GRM7: variants seen among roughly 807,000 people sequenced by gnomAD.
GRM7 encodes the protein metabotropic glutamate receptor 7.
GRM7 carries 35 observed loss-of-function variants against 84.5 expected under a neutral mutation model. The ratio of observed to expected loss-of-function variants is 0.41; its 90% CI spans 0.32 to 0.55. GRM7 has a LOEUF of 0.55. GRM7 is among the 20% of genes least tolerant of loss of function. GRM7 has a pLI of 0.19. For synonymous variants in GRM7, 487 were observed against 455.1 expected, an observed-to-expected ratio of 1.07 and a Z score of -0.89; for missense variants, 1,003 against 1,194.6, an observed-to-expected ratio of 0.84 and a Z score of 2.36.
intron 2 of GRM7, among the ~76,000 whole-genome samples, chr3:7,231,133 A>T (rs145720763): frequency 6.6e-6 from 1 of 152,286 alleles, no homozygotes; most frequent in East Asian, 1.9e-4. Flanking sequence ...GCAGAAAAAA[A>T]GTTTAGGTGT....
At chr3:7,172,584 A>G (rs1436780243) in intron 2 of GRM7, among the ~76,000 whole-genome samples, 1 of 131,776 alleles carries the variant, frequency 7.6e-6, no homozygotes, top group African/African-American at 2.9e-5. Context: ...TAAATATTAC[A>G]TATTTGTCCC....
intron 1 of GRM7, among the ~76,000 whole-genome samples, chr3:7,086,612 C>T (rs1042009674): frequency 1.2e-4 from 18 of 152,184 alleles, no homozygotes; most frequent in Non-Finnish European, 1.9e-4. Context: ...GCCTCTAGAG[C>T]TCCACATCAA....
intron 8 of GRM7, among the ~76,000 whole-genome samples, chr3:7,670,765 C>T (rs958282509): frequency 6.6e-6 from 1 of 152,126 alleles, no homozygotes; most frequent in Non-Finnish European, 1.5e-5. Flanking sequence ...CACAGAACTT[C>T]ATGGTGTATT....
intron 2 of GRM7, among the ~76,000 whole-genome samples, chr3:7,269,400 A>G (rs1698769339): frequency 6.6e-6 from 1 of 151,736 alleles, no homozygotes; most frequent in Non-Finnish European, 1.5e-5. Flanking sequence ...CCCTTGCTAC[A>G]CATTAGAATT....
At chr3:7,677,243 T>A (rs529124135) in intron 8 of GRM7, among the ~76,000 whole-genome samples, 12 of 108,090 alleles carry the variant, frequency 1.1e-4, no homozygotes, top group Non-Finnish European at 1.8e-4. Flanking sequence ...ACCTGGGCAA[T>A]AGAGGGAGAC....
intron 9 of GRM7, among the ~76,000 whole-genome samples, chr3:7,703,785 G>C (rs942935208): frequency 3.3e-5 from 5 of 152,188 alleles, no homozygotes; most frequent in African/African-American, 1.2e-4. Context: ...TGGAGGCTTA[G>C]AGAGACTGTG....
chr3:6,864,744 G>C lies in GRM7; in HGVS notation c.519+2837G>C, dbSNP rs554905628. On this transcript the variant is annotated intron_variant, in intron 1 of 9. Coordinates refer to ENST00000357716, the MANE Select transcript of GRM7 (RefSeq NM_000844.4). ...GGAATACTTAGCGACTTAAATGGGG[G>C]GTGCTGAGCACTGAAGGGAAGGAGG... Among the ~76,000 whole-genome samples, 298 of 152,280 alleles carry C rather than the reference G, an allele frequency of 2.0e-3. 1 individual carries two copies. Among genetic ancestry groups the C allele is most frequent in the Non-Finnish European group, 2.9e-3 (197 of 68,018 alleles).
chr3:7,199,889 T>G (rs1193449473), intron 2 of GRM7, among the ~76,000 whole-genome samples: 2 of 152,218 alleles, frequency 1.3e-5, no homozygotes, highest in Non-Finnish European at 2.9e-5. Flanking sequence ...CCTTCTGTCT[T>G]GGTCCATTTT....
chr3:7,071,635 G>A (rs540242223), intron 1 of GRM7, among the ~76,000 whole-genome samples: 1 of 151,938 alleles, frequency 6.6e-6, no homozygotes, highest in Admixed American at 6.6e-5. Context: ...AACAAGAAAG[G>A]ATATTTTAGT....
chr3:7,737,496 T>C (rs1702544475), intron 9 of GRM7, among the ~76,000 whole-genome samples: 1 of 152,208 alleles, frequency 6.6e-6, no homozygotes. Context: ...AGTAATTTTC[T>C]TTCCTGACCA....
At chr3:7,078,679 G>T (rs182069250) in intron 1 of GRM7, among the ~76,000 whole-genome samples, 39 of 152,208 alleles carry the variant, frequency 2.6e-4, no homozygotes, top group African/African-American at 9.4e-4. Flanking sequence ...TTTATTCATG[G>T]AGTGACAGGA....
At chr3:7,437,760 A>G (rs1005993264) in intron 5 of GRM7, among the ~76,000 whole-genome samples, 2 of 152,076 alleles carry the variant, frequency 1.3e-5, no homozygotes, top group South Asian at 2.1e-4. Flanking sequence ...AACAGCCATA[A>G]TATAACTATA....
At chr3:7,570,448 G>A (rs529098556) in intron 7 of GRM7, among the ~76,000 whole-genome samples, 2 of 152,214 alleles carry the variant, frequency 1.3e-5, no homozygotes, top group South Asian at 2.1e-4. Flanking sequence ...TGGCCAAAAC[G>A]AGGGCCTCAT....
At chr3:6,877,832 CACACACACACACACACACACAT>C (rs1269388707) in intron 1 of GRM7, among the ~76,000 whole-genome samples, 1 of 151,268 alleles carries the variant, frequency 6.6e-6, no homozygotes, top group Admixed American at 6.6e-5. Flanking sequence ...CACACACACA[CACACACACACACACACACACAT>C]ATGACTTCTG....
At chr3:7,372,112 G>T (rs1186619926) in intron 4 of GRM7, among the ~76,000 whole-genome samples, 3 of 152,104 alleles carry the variant, frequency 2.0e-5, no homozygotes, top group Non-Finnish European at 4.4e-5. Flanking sequence ...AGTTATGGAA[G>T]TAGGGCGGGA....
chr3:7,415,687 A>G (rs1696131052), intron 5 of GRM7, among the ~76,000 whole-genome samples: 1 of 152,172 alleles, frequency 6.6e-6, no homozygotes, highest in African/African-American at 2.4e-5. Context: ...AATAAGTGAG[A>G]AGAAAAATCA....
chr3:7,305,343 C>CTTTTTTTTTTTTTT (rs1258984449), intron 3 of GRM7, among the ~76,000 whole-genome samples: 3 of 34,974 alleles, frequency 8.6e-5, no homozygotes, highest in Admixed American at 2.5e-4. Context: ...TTTTTTTTTT[C>CTTTTTTTTTTTTTT]TTTTTTTTTT....
intron 8 of GRM7, among the ~76,000 whole-genome samples, chr3:7,679,288 G>A (rs1239473853): frequency 1.3e-5 from 2 of 152,062 alleles, no homozygotes. Context: ...ACGGAACCCT[G>A]GGAAGGCAAG....
intron 2 of GRM7, among the ~76,000 whole-genome samples, chr3:7,153,061 G>A (rs961741622): frequency 6.6e-6 from 1 of 151,642 alleles, no homozygotes; most frequent in African/African-American, 2.4e-5. Context: ...TCAGCTGGGT[G>A]CAGTAGAACA....
Sources: gnomAD v4.1 joint callset for allele counts (sites outside exome capture counted in the v4.1 genomes callset) on GRCh38, gnomAD v4.1.1 for gene constraint, MANE v1.5 for transcripts, NCBI Gene and HGNC (gene_info 2026-07-23, HGNC 2026-07-21) for gene names.